LAMB1: variants seen among roughly 807,000 people sequenced by gnomAD.
The protein encoded by LAMB1 is laminin subunit beta-1.
A neutral mutation model predicts 222.3 loss-of-function variants in LAMB1; 121 were observed. That is an observed-to-expected ratio of 0.54 (90% CI 0.47 to 0.63). LAMB1 has a LOEUF of 0.63. Among genes scored for constraint, LAMB1 ranks in the 30% least tolerant of loss-of-function variants. The pLI is 0.00. For synonymous variants in LAMB1, 794 were observed against 807.2 expected (o/e 0.98, Z 0.28); for missense variants, 2,172 against 2,240.8 (o/e 0.97, Z 0.62).
intron 9 of LAMB1, among the ~76,000 whole-genome samples, chr7:107,977,265 G>C (rs118053684): frequency 0.015 from 2,309 of 152,200 alleles, 24 homozygotes; most frequent in Non-Finnish European, 0.022. Context: ...TGCTCTTCAA[G>C]GGGAGGACAT....
chr7:107,992,182 C>A (rs1447780425), intron 5 of LAMB1, among the ~76,000 whole-genome samples: 1 of 152,214 alleles, frequency 6.6e-6, no homozygotes, highest in African/African-American at 2.4e-5. Flanking sequence ...TCTCCTCCCA[C>A]TGACATCCCT....
At chr7:107,976,001 C>G in intron 9 of LAMB1, 124 bp from the exon 10 acceptor site, 1 of 742,310 alleles carries the variant, frequency 1.3e-6, no homozygotes, top group Non-Finnish European at 2.2e-6. Flanking sequence ...AGTCAACAAG[C>G]AGGACTCCTG....
At position 107,952,077 on chromosome 7, in the gene LAMB1, C is replaced by A; in HGVS notation, c.3226G>T (p.Ala1076Ser). 1 of 1,614,026 alleles carries A rather than the reference C, an allele frequency of 6.2e-7. No individual in the cohort carries two copies. Among genetic ancestry groups the A allele is most frequent in the Non-Finnish European group, 8.5e-7 (1 of 1,179,956 alleles). Residue 1076 changes from alanine (A) to serine (S), a missense_variant, in exon 23 of 34, where the codon GCC (alanine) becomes TCC (serine). Transcript: ENST00000222399. Reference protein sequence around the residue: ...DRCAPNTWQLASGTGCDPCNC... With the variant: ...DRCAPNTWQLSSGTGCDPCNC... ...CATGGGTCACAGCCAGTGCCACTGG[C>A]CAGCTGCCAGGTATTGGGCGCACAG...
At chr7:107,995,019 G>A in intron 4 of LAMB1, 59 bp from the exon 5 acceptor site, 1 of 877,392 alleles carries the variant, frequency 1.1e-6, no homozygotes. Flanking sequence ...AAACATCTGT[G>A]AATAGTTGAG....
At chr7:107,934,756 T>A (rs147133686) in intron 27 of LAMB1, among the ~76,000 whole-genome samples, 18 of 152,064 alleles carry the variant, frequency 1.2e-4, no homozygotes, top group African/African-American at 3.4e-4. Flanking sequence ...ATAATTCAAA[T>A]CAGAACAAAC....
At position 107,929,218 on chromosome 7, in the gene LAMB1, T is replaced by A; in HGVS notation, c.4746-13A>T. On this transcript the variant is annotated splice_polypyrimidine_tract_variant and intron_variant, in intron 30 of 33. Transcript: ENST00000222399. ...TGTTGCACTTTTGCTGAGTAAAAAA[T>A]AATGAGACAGTATATTGTTGCTGAA... 1 of 1,613,576 alleles carries A rather than the reference T, an allele frequency of 6.2e-7. No individual in the cohort carries two copies.
At chr7:107,947,983 C>CTT (rs10630521) in intron 24 of LAMB1, among the ~76,000 whole-genome samples, 61,386 of 116,982 alleles carry the variant, frequency 0.52, 17,837 homozygotes, top group East Asian at 0.84. Context: ...TCTTCTTCTT[C>CTT]TTTTTTTTTT....
chr7:107,969,224 C>G (rs1439606411), intron 13 of LAMB1, among the ~76,000 whole-genome samples: 1 of 149,464 alleles, frequency 6.7e-6, no homozygotes, highest in African/African-American at 2.5e-5. Context: ...GGATGCGGAG[C>G]TTGCAGTGAG....
intron 7 of LAMB1, among the ~76,000 whole-genome samples, chr7:107,983,489 T>C (rs1440391124): frequency 6.6e-6 from 1 of 151,608 alleles, no homozygotes; most frequent in African/African-American, 2.4e-5. Flanking sequence ...TTTGATGTAC[T>C]GAACACATTT....
At chr7:107,954,313 C>T (rs539771819) in intron 21 of LAMB1, among the ~76,000 whole-genome samples, 12 of 151,632 alleles carry the variant, frequency 7.9e-5, no homozygotes, top group South Asian at 2.1e-4. Context: ...CGGCACTACA[C>T]CTGACTAATT....
chr7:107,933,087 T>C (rs2032751217), intron 27 of LAMB1, among the ~76,000 whole-genome samples: 1 of 152,194 alleles, frequency 6.6e-6, no homozygotes, highest in Non-Finnish European at 1.5e-5. Flanking sequence ...CCGACTGCCA[T>C]CACACATGCA....
Position 107,962,998 on chromosome 7 carries a change from G to A in LAMB1, c.1764C>T (p.Phe588=), listed in dbSNP as rs34450895. The stretch of plus-strand genomic sequence containing the variant: ...AATAAGCCCCTTCAGGCACTCGGAC[G>A]AAGCCGGCTCCAGTCCAGGAGGGAA... ...DRIPSWTGAG[F]VRVPEGAYLE... Residue 588 remains phenylalanine, a synonymous_variant, in exon 15 of 34, where the codon TTC becomes TTT. Coordinates refer to ENST00000222399, the MANE Select transcript of LAMB1 (RefSeq NM_002291.3). The A allele has an allele frequency of 1.2e-5, 20 of 1,613,896 alleles. No homozygotes were observed. The highest frequency in any genetic ancestry group is 5.0e-5 in the Admixed American group (3 of 59,988).
intron 4 of LAMB1, among the ~76,000 whole-genome samples, chr7:107,997,430 AAC>A (rs1563011327): frequency 7.0e-6 from 1 of 143,482 alleles, no homozygotes; most frequent in African/African-American, 2.6e-5. Context: ...CTCAAAAATA[AAC>A]AAACAAACAA....
At chr7:107,925,293 C>G (rs558635973) in intron 32 of LAMB1, among the ~76,000 whole-genome samples, 1 of 152,228 alleles carries the variant, frequency 6.6e-6, no homozygotes, top group African/African-American at 2.4e-5. Flanking sequence ...ACTGGGTGGG[C>G]AGGCAAGTAT....
intron 8 of LAMB1, 63 bp downstream of exon 8, chr7:107,980,546 G>A: frequency 7.5e-7 from 1 of 1,330,278 alleles, no homozygotes; most frequent in East Asian, 2.3e-5. Flanking sequence ...GGTAAGACTA[G>A]CTTCACTTTG....
At chr7:107,999,677 C>T (rs1459956065) in intron 3 of LAMB1, 1 of 119,266 alleles carries the variant, frequency 8.4e-6, no homozygotes, top group Non-Finnish European at 1.7e-5. Context: ...AGCATATGTC[C>T]AGTCCCTTTC....
At position 107,983,145 on chromosome 7, in the gene LAMB1, G is replaced by A. The variant is rs149968458; in HGVS notation, c.677-2334C>T. ...ATATTTGTTTTACAAGAGAATGAAT[G>A]AGTAAATTACAGACCAGAGACAGGC... is the stretch of plus-strand genomic sequence containing the variant. On this transcript the variant is annotated intron_variant, in intron 7 of 33. Transcript: ENST00000222399. Among the ~76,000 whole-genome samples, 5 of 152,320 alleles carry A rather than the reference G, an allele frequency of 3.3e-5. No individual in the cohort carries two copies. In the South Asian group the frequency reaches 6.2e-4, roughly 19 times the overall value.
At chr7:107,979,448 A>T (rs533957237) in intron 8 of LAMB1, among the ~76,000 whole-genome samples, 21 of 152,288 alleles carry the variant, frequency 1.4e-4, no homozygotes, top group African/African-American at 5.1e-4. Context: ...CTGAGTGAGG[A>T]GAGGCTTGAG....
intron 32 of LAMB1, among the ~76,000 whole-genome samples, chr7:107,924,604 A>G (rs2032515777): frequency 6.6e-6 from 1 of 152,248 alleles, no homozygotes; most frequent in Non-Finnish European, 1.5e-5. Flanking sequence ...AGTTGCAGCA[A>G]ATCCTTAGGG....
Sources: allele counts gnomAD v4.1 joint callset (sites outside exome capture counted in the v4.1 genomes callset), GRCh38; gene constraint gnomAD v4.1.1; transcripts MANE v1.5; gene names NCBI Gene and HGNC (gene_info 2026-07-23, HGNC 2026-07-21).